CLN8: variants seen among roughly 807,000 people sequenced by gnomAD.
CLN8 encodes the protein CLN8 transmembrane ER and ERGIC protein.
CLN8 carries 14 observed loss-of-function variants against 15.7 expected under a neutral mutation model. The observed-to-expected ratio is 0.89, with a 90% CI of 0.59 to 1.39. The LOEUF is 1.39. CLN8 is among the 40% of genes most tolerant of loss of function. The probability of loss-of-function intolerance (pLI) is 0.00; values close to 1 mark genes in which losing one functional copy is unlikely to be tolerated. For synonymous variants in CLN8, 188 were observed against 151.0 expected, an observed-to-expected ratio of 1.25 and a Z score of -1.80; for missense variants, 415 against 364.0, an observed-to-expected ratio of 1.14 and a Z score of -1.14.
rs185961111 is a variant in CLN8, at chr8:1,782,793, C to T, written c.*2226C>T. 4.7e-4 allele frequency: 72 copies of T among 152,352 alleles called. 1 individual carries two copies. The highest frequency in any genetic ancestry group is 1.7e-3 in the African/African-American group (70 of 41,588). 9.4% of individuals were successfully genotyped at this position (152,352 alleles called of 1,614,324 possible). ...ATAGAAAATATAATGATAAATTCAT[C>T]ATGTGTTCAGAATTCGATTTGGAGT... On this transcript the variant is annotated 3_prime_UTR_variant, in exon 3 of 3. Transcript: ENST00000331222.
rs182371886 is a variant in CLN8 at position 1,775,864 on chromosome 8, T to G, written c.543+4267T>G. Reference sequence around the variant, plus strand: ...TCTCTTGAGGAGCAATGAGCACTCTTGCAGGCCCTGTGCCAGGTGCCGGGT... The same window carrying G: ...TCTCTTGAGGAGCAATGAGCACTCTGGCAGGCCCTGTGCCAGGTGCCGGGT... On this transcript the variant is annotated intron_variant, in intron 2 of 2. Transcript: ENST00000331222. 6.2e-4 allele frequency among the ~76,000 whole-genome samples: 95 copies of G among 152,362 alleles called. 1 individual carries two copies. The East Asian group carries it at 0.014, about 23-fold the overall frequency.
upstream of CLN8, chr8:1,763,019 C>A (rs1437266845): frequency 2.6e-5 from 4 of 152,244 alleles, no homozygotes; most frequent in Non-Finnish European, 1.5e-5. Flanking sequence ...ACTCGAATAA[C>A]AACCTTAGCA....
chr8:1,757,412 C>A (rs1254129419), intron 1 of CLN8, among the ~76,000 whole-genome samples: 1 of 152,190 alleles, frequency 6.6e-6, no homozygotes, highest in Admixed American at 6.5e-5. Context: ...GCCCTAGAAT[C>A]AACATGATCT....
chr8:1,760,741 G>C (rs1800772632), upstream of CLN8, among the ~76,000 whole-genome samples: 1 of 152,208 alleles, frequency 6.6e-6, no homozygotes, highest in African/African-American at 2.4e-5. Context: ...CCCTAAGAGA[G>C]AGTTCTCGGA....
At position 1,771,117 on chromosome 8, in the gene CLN8, G is replaced by C. The variant is rs746305254; in HGVS notation, c.63G>C (p.Trp21Cys). 2 of 1,613,998 alleles carry C rather than the reference G, an allele frequency of 1.2e-6. No individual in the cohort carries two copies. Among genetic ancestry groups the C allele is most frequent in the South Asian group, 2.2e-5 (2 of 91,076 alleles). The change falls in exon 2 of 3, where the codon TGG becomes TGC. Residue 21 changes from tryptophan to cysteine, a missense_variant. Physicochemically the swap from Trp to Cys is radical, Grantham distance 215. Coordinates refer to ENST00000331222, the MANE Select transcript of CLN8 (RefSeq NM_018941.4). The stretch of plus-strand genomic sequence containing the variant: ...TTTTTGACCTGGACTATGCATCCTG[G>C]GGGATCCGCTCCACGCTGATGGTCG... The part of the protein sequence containing the change: ...ESIFDLDYAS[W>C]GIRSTLMVAG...
At chr8:1,754,940 G>A (rs1223278545), upstream of CLN8, among the ~76,000 whole-genome samples, 1 of 152,196 alleles carries the variant, frequency 6.6e-6, no homozygotes, top group Non-Finnish European at 1.5e-5. Context: ...GAAGGAGAAG[G>A]AGCCTTGCTG....
Position 1,780,701 on chromosome 8 carries a change from T to C in CLN8, c.*134T>C, listed in dbSNP as rs375686311. 3.5e-5 allele frequency: 27 copies of C among 761,466 alleles called. 2 individuals carry two copies. The South Asian group carries it at 4.8e-4, about 14-fold the overall frequency. The allele number at this position is 761,466 out of a possible 1,614,324, so 47.2% of individuals were successfully genotyped here. A position where few individuals can be genotyped will look rare whatever the true frequency, so the allele number is the denominator to read the frequency against. On this transcript the variant is annotated 3_prime_UTR_variant, in exon 3 of 3. Transcript: ENST00000331222. The stretch of plus-strand genomic sequence containing the variant: ...CTTCTAAGGGAAATACTAACTTTCT[T>C]TCGCATTAGTATTAATTTTGAAGTA...
upstream of CLN8, chr8:1,763,355 T>C (rs1266020505): frequency 2.4e-5 from 2 of 83,488 alleles, no homozygotes; most frequent in Non-Finnish European, 4.6e-5. Context: ...CCGGCCGTGG[T>C]TCAGCGCGTC....
chr8:1,771,048 G>A lies in CLN8; in HGVS notation c.-7G>A, dbSNP rs1273808555. ...CCCAGGACTCCTTTGGAATATAGCT[G>A]TGGACAATGAATCCTGCGAGCGATG... On this transcript the variant is annotated 5_prime_UTR_variant, in exon 2 of 3. In the 5' UTR this introduces an upstream ATG that the reference lacks. Coordinates refer to ENST00000331222, the MANE Select transcript of CLN8 (RefSeq NM_018941.4). 1 of 1,613,970 alleles carries A rather than the reference G, an allele frequency of 6.2e-7. No individual in the cohort carries two copies. Among genetic ancestry groups the A allele is most frequent in the Non-Finnish European group, 8.5e-7 (1 of 1,180,006 alleles).
upstream of CLN8, chr8:1,759,681 A>G (rs1800747405): frequency 6.6e-6 from 1 of 152,236 alleles, no homozygotes; most frequent in Admixed American, 6.5e-5. Flanking sequence ...GAAGCTGAGC[A>G]GCTGATCTGC....
At chr8:1,754,229 C>T (rs1800616293), upstream of CLN8, among the ~76,000 whole-genome samples, 1 of 152,238 alleles carries the variant, frequency 6.6e-6, no homozygotes, top group South Asian at 2.1e-4. Flanking sequence ...CAGCTCCTCT[C>T]CTGCTGGCCT....
chr8:1,780,360 C>T lies in CLN8; in HGVS notation c.654C>T (p.His218=). 1 of 1,614,270 alleles carries T rather than the reference C, an allele frequency of 6.2e-7. No individual in the cohort carries two copies. Among genetic ancestry groups the T allele is most frequent in the Non-Finnish European group, 8.5e-7 (1 of 1,180,054 alleles). The change falls in exon 3 of 3, where the codon CAC becomes CAT. Residue 218 remains histidine, a synonymous_variant. Transcript: ENST00000331222. ...ACATGTGGTGGGTGTGTTTCTGGCA[C>T]TGGGACGGCCTGGTCAGCAGCCTGT... is the stretch of plus-strand genomic sequence containing the variant. The part of the protein sequence containing the change: ...TYHMWWVCFW[H]WDGLVSSLYL...
At chr8:1,766,239 G>A (rs1801050089) in intron 1 of CLN8, among the ~76,000 whole-genome samples, 1 of 152,176 alleles carries the variant, frequency 6.6e-6, no homozygotes. Flanking sequence ...AAGATCTGCA[G>A]CGTCAAGAGA....
intron 1 of CLN8, among the ~76,000 whole-genome samples, chr8:1,768,738 A>C (rs534867784): frequency 6.6e-6 from 1 of 152,272 alleles, no homozygotes; most frequent in South Asian, 2.1e-4. Context: ...GCTGCACTTG[A>C]AGTTGATCTG....
upstream of CLN8, among the ~76,000 whole-genome samples, chr8:1,760,650 C>A (rs1202744739): frequency 6.6e-6 from 1 of 152,166 alleles, no homozygotes; most frequent in Non-Finnish European, 1.5e-5. Context: ...TCACTTCATT[C>A]TTTGTTAAGA....
chr8:1,756,279 C>G (rs931324062), intron 1 of CLN8, among the ~76,000 whole-genome samples: 5 of 152,052 alleles, frequency 3.3e-5, no homozygotes, highest in Admixed American at 2.6e-4. Context: ...GTCAGGAGTT[C>G]AAGACCAGCC....
At chr8:1,764,096 C>G (rs1445702499) in intron 1 of CLN8, among the ~76,000 whole-genome samples, 1 of 151,374 alleles carries the variant, frequency 6.6e-6, no homozygotes, top group African/African-American at 2.4e-5. Context: ...GAGGGGGAAC[C>G]CAGATGGGCG....
chr8:1,784,925 C>T lies in CLN8; in HGVS notation c.*4358C>T, dbSNP rs542056790. 4.9e-3 allele frequency: 741 copies of T among 152,534 alleles called. 3 individuals are homozygous for T. Among genetic ancestry groups the T allele is most frequent in the Non-Finnish European group, 7.7e-3 (528 of 68,164 alleles). 9.4% of individuals were successfully genotyped at this position (152,534 alleles called of 1,614,324 possible). A position where few individuals can be genotyped will look rare whatever the true frequency, so the allele number is the denominator to read the frequency against. On this transcript the variant is annotated 3_prime_UTR_variant, in exon 3 of 3. Transcript: ENST00000331222. Reference sequence around the variant, plus strand: ...GGAAACGTGTGGCCAGAAGGGGAAACGCTCGGGCCTCTGGTGGGGGCCAGC... The same window carrying T: ...GGAAACGTGTGGCCAGAAGGGGAAATGCTCGGGCCTCTGGTGGGGGCCAGC...
Position 1,781,901 on chromosome 8 carries a change from C to T in CLN8, c.*1334C>T, listed in dbSNP as rs1299579205. The T allele has an allele frequency of 6.6e-6, 1 of 151,564 alleles. No individual in the cohort carries two copies. Among genetic ancestry groups the T allele is most frequent in the Admixed American group, 6.6e-5 (1 of 15,182 alleles). The allele number at this position is 151,564 out of a possible 1,614,324, so 9.4% of individuals were successfully genotyped here. A position where few individuals can be genotyped will look rare whatever the true frequency, so the allele number is the denominator to read the frequency against. On this transcript the variant is annotated 3_prime_UTR_variant, in exon 3 of 3. Coordinates refer to ENST00000331222, the MANE Select transcript of CLN8 (RefSeq NM_018941.4). ...GGTACATTGTTCTACTGTTTTATAC[C>T]CAGGTAGAAGTTACACAGCAATTTA...
Sources: allele counts gnomAD v4.1 joint callset (sites outside exome capture counted in the v4.1 genomes callset), GRCh38; gene constraint gnomAD v4.1.1; transcripts MANE v1.5; gene names NCBI Gene and HGNC (gene_info 2026-07-23, HGNC 2026-07-21).